TRAF2: variants seen among roughly 807,000 people sequenced by gnomAD.
The protein encoded by TRAF2 is TNF receptor-associated factor 2.
A neutral mutation model predicts 55.6 loss-of-function variants in TRAF2; 6 were observed. The ratio of observed to expected loss-of-function variants is 0.11; its 90% confidence interval spans 0.06 to 0.21. The LOEUF (loss-of-function observed/expected upper bound fraction) is 0.21. Among genes scored for constraint, TRAF2 ranks in the 10% least tolerant of loss-of-function variants. The pLI is 1.00. For missense variants in TRAF2, 561 were observed against 684.5 expected (o/e 0.82, Z 2.01); for synonymous variants, 329 against 276.3 (o/e 1.19, Z -1.89).
intron 9 of TRAF2, among the ~76,000 whole-genome samples, chr9:136,922,037 G>A (rs937131165): frequency 2.6e-5 from 4 of 152,358 alleles, no homozygotes; most frequent in South Asian, 2.1e-4. Flanking sequence ...GATCAAGGCC[G>A]AGATGCTGTA....
At position 136,913,295 on chromosome 9, in the gene TRAF2, A is replaced by ATTTTTTTTT. The variant is rs369765173; in HGVS notation, c.604-3232_604-3224dup. ...CATACCATGTTCTTATTATAAAGGA[A>ATTTTTTTTT]TTTTTTTTTTTTTTTTTTTTTTGAG... is the stretch of plus-strand genomic sequence containing the variant. On this transcript the variant is annotated intron_variant, in intron 6 of 10. Transcript: ENST00000247668. Among the ~76,000 whole-genome samples, 88 of 87,084 alleles carry ATTTTTTTTT rather than the reference A, an allele frequency of 1.0e-3. 4 individuals are homozygous for ATTTTTTTTT. The highest frequency in any genetic ancestry group is 3.3e-3 in the African/African-American group (65 of 19,932). The allele number at this position is 87,084 out of a possible 152,430, so 57.1% of individuals were successfully genotyped here.
upstream of TRAF2, among the ~76,000 whole-genome samples, chr9:136,885,893 C>T (rs1588412190): frequency 6.6e-6 from 1 of 152,272 alleles, no homozygotes; most frequent in Non-Finnish European, 1.5e-5. Context: ...AGCCTTAATA[C>T]CTTACTTAAG....
At chr9:136,882,105 C>T (rs1849381903), upstream of TRAF2, 21 of 928,840 alleles carry the variant, frequency 2.3e-5, no homozygotes, top group Non-Finnish European at 2.6e-5. Flanking sequence ...GGGGGCCCAG[C>T]TTGGACATTC....
At chr9:136,914,642 A>G (rs949257997) in intron 6 of TRAF2, among the ~76,000 whole-genome samples, 8 of 152,170 alleles carry the variant, frequency 5.3e-5, no homozygotes, top group African/African-American at 1.9e-4. Context: ...TCTCCTTTCT[A>G]CAGAAAGTCG....
In TRAF2 at chr9:136,903,362, ATGCGGGGG is replaced by A. The variant is rs368997515; in HGVS notation, c.366+2850_366+2857del. On this transcript the variant is annotated intron_variant, in intron 4 of 10. Transcript: ENST00000247668. ...CTGAGCTACTCGTTCTGGCAGCTGG[ATGCGGGGG>A]TGCGGGGAGACTTTCCAGAGAGGAC... 2.7e-3 allele frequency among the ~76,000 whole-genome samples: 411 copies of A among 152,270 alleles called. 1 individual carries two copies. The highest frequency in any genetic ancestry group is 9.2e-3 in the African/African-American group (384 of 41,558).
rs149823801 is a variant in TRAF2 at position 136,898,685 on chromosome 9, G to A, written c.-28-28G>A. The A allele has an allele frequency of 7.9e-4, 1,274 of 1,608,776 alleles. 11 individuals are homozygous for A. The African/African-American group carries it at 0.015, about 19-fold the overall frequency. Reference sequence around the variant, plus strand: ...TCTCGAGGACTGTTCTGGAATTGAGGTGTAACGTGCTGTGTGTTCTTCCTT... The same window carrying A: ...TCTCGAGGACTGTTCTGGAATTGAGATGTAACGTGCTGTGTGTTCTTCCTT... On this transcript the variant is annotated intron_variant, in intron 1 of 10. Coordinates refer to ENST00000247668, the MANE Select transcript of TRAF2 (RefSeq NM_021138.4).
upstream of TRAF2, chr9:136,882,544 T>G (rs966752989): frequency 4.6e-6 from 2 of 432,626 alleles, no homozygotes; most frequent in African/African-American, 4.3e-5. Flanking sequence ...TTCCTGCTCC[T>G]GCAACCCCCA....
intron 4 of TRAF2, among the ~76,000 whole-genome samples, chr9:136,906,659 CAAA>C (rs1053389869): frequency 6.6e-6 from 1 of 151,892 alleles, no homozygotes; most frequent in Non-Finnish European, 1.5e-5. Context: ...CAAAACAAAA[CAAA>C]AAGCCCTGTT....
intron 6 of TRAF2, among the ~76,000 whole-genome samples, chr9:136,911,264 CTTTTTTTTTTT>C (rs34077067): frequency 3.3e-5 from 4 of 122,546 alleles, no homozygotes; most frequent in African/African-American, 9.5e-5. Context: ...TCCTTCCCGT[CTTTTTTTTTTT>C]TTTTTTTTTG....
intron 2 of TRAF2, among the ~76,000 whole-genome samples, chr9:136,899,134 C>T (rs1849755999): frequency 6.6e-6 from 1 of 152,194 alleles, no homozygotes; most frequent in Admixed American, 6.5e-5. Flanking sequence ...ATTTTGGATA[C>T]ATGGGGTTAA....
At chr9:136,895,344 G>A (rs1849657990) in intron 1 of TRAF2, among the ~76,000 whole-genome samples, 1 of 152,278 alleles carries the variant, frequency 6.6e-6, no homozygotes, top group East Asian at 1.9e-4. Context: ...TAAGGCTTCC[G>A]GGACACTCTT....
intron 1 of TRAF2, among the ~76,000 whole-genome samples, chr9:136,897,679 C>T (rs558595679): frequency 1.4e-5 from 2 of 146,422 alleles, no homozygotes; most frequent in South Asian, 2.2e-4. Context: ...GGAGGGAAAC[C>T]CGTGGTAGCT....
chr9:136,916,117 T>C (rs560771855), intron 6 of TRAF2, among the ~76,000 whole-genome samples: 1 of 152,274 alleles, frequency 6.6e-6, no homozygotes, highest in South Asian at 2.1e-4. Context: ...TTGGCCCCTT[T>C]CTGGATTTTA....
At chr9:136,896,593 A>G (rs561266034) in intron 1 of TRAF2, among the ~76,000 whole-genome samples, 31 of 152,098 alleles carry the variant, frequency 2.0e-4, no homozygotes, top group African/African-American at 6.7e-4. Flanking sequence ...TTTGGACTCA[A>G]GCTTTACCCA....
intron 10 of TRAF2, among the ~76,000 whole-genome samples, chr9:136,924,772 C>G (rs1264521028): frequency 1.3e-5 from 2 of 152,050 alleles, no homozygotes; most frequent in African/African-American, 2.4e-5. Flanking sequence ...CGGAGTCTTG[C>G]TCTGTCGCCC....
chr9:136,921,022 T>G lies in TRAF2; in HGVS notation c.961-16T>G, dbSNP rs886653381. ...ACCCCTCCTGTAAGAGGGAAGGTGG[T>G]CTTGGCACCCGGCAGGTGCAGCAGC... On this transcript the variant is annotated splice_polypyrimidine_tract_variant and intron_variant, in intron 8 of 10. Transcript: ENST00000247668. The G allele has an allele frequency of 6.2e-6, 10 of 1,612,788 alleles. No individual in the cohort carries two copies. The highest frequency in any genetic ancestry group is 8.5e-6 in the Non-Finnish European group (10 of 1,179,614).
chr9:136,917,093 A>G (rs1001223125), intron 7 of TRAF2, among the ~76,000 whole-genome samples: 1 of 151,756 alleles, frequency 6.6e-6, no homozygotes, highest in Non-Finnish European at 1.5e-5. Context: ...GGTCTCGTCT[A>G]CCCTCAAATG....
intron 1 of TRAF2, among the ~76,000 whole-genome samples, chr9:136,895,705 CACCTGTGGTGGCGGGT>C (rs926545102): frequency 1.3e-5 from 2 of 152,074 alleles, no homozygotes; most frequent in Non-Finnish European, 2.9e-5. Context: ...AAAAATTAGC[CACCTGTGGTGGCGGGT>C]ACCTGTGGTC....
intron 1 of TRAF2, among the ~76,000 whole-genome samples, chr9:136,896,029 C>G (rs575548124): frequency 6.6e-6 from 1 of 152,092 alleles, no homozygotes; most frequent in Admixed American, 6.5e-5. Flanking sequence ...GACACCATGC[C>G]CCTGTCCTTC....
Sources: gnomAD v4.1 joint callset for allele counts (sites outside exome capture counted in the v4.1 genomes callset) on GRCh38, gnomAD v4.1.1 for gene constraint, MANE v1.5 for transcripts, NCBI Gene and HGNC (gene_info 2026-07-23, HGNC 2026-07-21) for gene names.